EMX1: variants seen among roughly 807,000 people sequenced by gnomAD.
EMX1 encodes the protein homeobox protein EMX1.
In EMX1, 10 loss-of-function variants were observed where a neutral mutation model predicts 20.1. The observed-to-expected ratio is 0.50, with a 90% confidence interval of 0.31 to 0.84. The LOEUF is 0.84. EMX1 is among the 40% of genes least tolerant of loss of function. The probability of loss-of-function intolerance (pLI) is 0.05; values close to 1 mark genes in which losing one functional copy is unlikely to be tolerated. For missense variants in EMX1, 424 were observed against 431.9 expected, an observed-to-expected ratio of 0.98 and a Z score of 0.16; for synonymous variants, 250 against 200.4, an observed-to-expected ratio of 1.25 and a Z score of -2.09.
chr2:72,927,642 G>A (rs953216960), intron 2 of EMX1, among the ~76,000 whole-genome samples: 5 of 152,262 alleles, frequency 3.3e-5, no homozygotes, highest in African/African-American at 1.2e-4. Flanking sequence ...CTCTTAGGAA[G>A]TCCAGGATAG....
rs966701422 is a variant in EMX1 at position 72,918,082 on chromosome 2, C to G, written c.230C>G (p.Pro77Arg). ...HLLAAAASEE[P>R]LRPTALNYPH... ...CTGGCGGCGGCCGCCTCCGAGGAAC[C>G]GCTCCGGCCCACGGCGCTCAACTAC... The change falls in exon 1 of 3, where the codon CCG becomes CGG. Residue 77 changes from proline to arginine, a missense_variant. Pro to Arg is a moderately radical substitution (Grantham distance 103, BLOSUM62 -2). Around this residue, in one of 2 missense-constraint regions of EMX1, gnomAD observed 333 missense variants for 296.6 expected, o/e 1.12. Transcript: ENST00000258106. 1 of 1,428,528 alleles carries G rather than the reference C, an allele frequency of 7.0e-7. No homozygotes were observed. The highest frequency in any genetic ancestry group is 9.1e-7 in the Non-Finnish European group (1 of 1,100,382). The allele number at this position is 1,428,528 out of a possible 1,614,324, so 88.5% of individuals were successfully genotyped here. A position where few individuals can be genotyped will look rare whatever the true frequency, so the allele number is the denominator to read the frequency against.
rs78311146 is a variant in EMX1, at chr2:72,918,698, C to T, written c.520+326C>T. ...AATTCTCTCTCCCAGCTGAGCCAGT[C>T]TCAGACCAGAGTACAACTCCTCCCG... On this transcript the variant is annotated intron_variant, in intron 1 of 2. Transcript: ENST00000258106. Among the ~76,000 whole-genome samples the T allele has an allele frequency of 1.4e-4, 21 of 152,358 alleles. No individual in the cohort carries two copies. The East Asian group carries it at 4.1e-3, about 29-fold the overall frequency.
chr2:72,925,371 A>G, intron 2 of EMX1: 1 of 1,221,382 alleles, frequency 8.2e-7, no homozygotes, highest in Non-Finnish European at 1.1e-6. Flanking sequence ...ATTTGGGTTC[A>G]TTGTAAGTAG....
chr2:72,922,654 A>G (rs1057179519), intron 1 of EMX1, among the ~76,000 whole-genome samples: 3 of 152,248 alleles, frequency 2.0e-5, no homozygotes, highest in Non-Finnish European at 4.4e-5. Context: ...AACTCCAGCA[A>G]AAACTTGGCT....
At position 72,917,931 on chromosome 2, in the gene EMX1, A is replaced by G. The variant is rs1380418550; in HGVS notation, c.79A>G (p.Thr27Ala). 1.3e-5 allele frequency: 20 copies of G among 1,485,736 alleles called. No individual in the cohort carries two copies. The highest frequency in any genetic ancestry group is 1.8e-5 in the Non-Finnish European group (20 of 1,125,732). 92.0% of individuals were successfully genotyped at this position (1,485,736 alleles called of 1,614,324 possible). The change falls in exon 1 of 3, where the codon ACA becomes GCA. Residue 27 changes from threonine (T) to alanine (A), a missense_variant. Thr to Ala is a moderately conservative substitution (Grantham distance 58). This residue lies in a region of EMX1 where 333 missense variants were observed against 296.6 expected (regional missense o/e 1.12). Coordinates refer to ENST00000258106, the MANE Select transcript of EMX1 (RefSeq NM_004097.3). ...GALPRARLPR[T>A]APAAATMFQP... Reference sequence around the variant, plus strand: ...GCTCCCCAGAGCCCGGCTGCCTCGCACAGCTCCCGCGGCTGCGACCATGTT... The same window carrying G: ...GCTCCCCAGAGCCCGGCTGCCTCGCGCAGCTCCCGCGGCTGCGACCATGTT...
Position 72,918,307 on chromosome 2 carries a change from A to C in EMX1, c.455A>C (p.His152Pro). The C allele has an allele frequency of 6.4e-7, 1 of 1,570,218 alleles. No homozygotes were observed. Among genetic ancestry groups the C allele is most frequent in the Non-Finnish European group, 8.6e-7 (1 of 1,169,328 alleles). ...QPPHSFFGAQ[H>P]RDPLHFYPWV... ...CCGCACTCCTTCTTCGGCGCCCAGC[A>C]CCGGGACCCTCTCCATTTCTACCCC... The change falls in exon 1 of 3, where the codon CAC (histidine) becomes CCC (proline). Residue 152 changes from histidine to proline, a missense_variant. Physicochemically the swap from His to Pro is moderately conservative, Grantham distance 77. Around this residue, in one of 2 missense-constraint regions of EMX1, gnomAD observed 333 missense variants for 296.6 expected, o/e 1.12. Transcript: ENST00000258106.
intron 1 of EMX1, chr2:72,923,483 G>T (rs1007182216): frequency 6.6e-6 from 1 of 152,190 alleles, no homozygotes; most frequent in Non-Finnish European, 1.5e-5. Flanking sequence ...GTGTGTGTTG[G>T]GATAGGGGGT....
chr2:72,922,469 T>C (rs1023534086), intron 1 of EMX1, among the ~76,000 whole-genome samples: 1 of 152,236 alleles, frequency 6.6e-6, no homozygotes, highest in African/African-American at 2.4e-5. Context: ...GCCCTAGATC[T>C]GCGCCACTTG....
chr2:72,916,509 G>A (rs1670964391), upstream of EMX1: 6 of 598,262 alleles, frequency 1.0e-5, no homozygotes, highest in Middle Eastern at 4.4e-4. Context: ...GAAAGTTTGG[G>A]GAGTCCCGGC....
intron 2 of EMX1, among the ~76,000 whole-genome samples, chr2:72,931,047 G>A (rs1216740846): frequency 1.3e-5 from 2 of 152,178 alleles, no homozygotes; most frequent in Non-Finnish European, 2.9e-5. Flanking sequence ...ACAGCATCTG[G>A]ACACTCAGCC....
At chr2:72,928,444 A>G (rs1290760678) in intron 2 of EMX1, among the ~76,000 whole-genome samples, 2 of 152,216 alleles carry the variant, frequency 1.3e-5, no homozygotes, top group Admixed American at 6.5e-5. Flanking sequence ...ATTAGATGCC[A>G]TTAGGCAGTC....
Position 72,924,299 on chromosome 2 carries a change from G to T in EMX1, c.521-10G>T, listed in dbSNP as rs780341296. 4 of 1,557,808 alleles carry T rather than the reference G, an allele frequency of 2.6e-6. No individual in the cohort carries two copies. Among genetic ancestry groups the T allele is most frequent in the Middle Eastern group, 1.7e-4 (1 of 6,010 alleles). On this transcript the variant is annotated splice_polypyrimidine_tract_variant and intron_variant, in intron 1 of 2. Transcript: ENST00000258106. ...ACCTGCGTGTGTTGCCGTCGGCGGC[G>T]GGGCCGCAGCCAGCGACGTGCCCCA... is the stretch of plus-strand genomic sequence containing the variant.
intron 1 of EMX1, among the ~76,000 whole-genome samples, chr2:72,920,050 G>C (rs1427502860): frequency 6.6e-6 from 1 of 152,110 alleles, no homozygotes; most frequent in Admixed American, 6.5e-5. Flanking sequence ...GGAGAGGGCG[G>C]GGTCGTTCCT....
chr2:72,928,595 CCTT>C (rs984907545), intron 2 of EMX1, among the ~76,000 whole-genome samples: 4 of 152,214 alleles, frequency 2.6e-5, no homozygotes, highest in African/African-American at 9.7e-5. Context: ...TCCAGCTACT[CCTT>C]CTGCTCTGAA....
At chr2:72,924,600 G>A in intron 2 of EMX1, 107 bp downstream of exon 2, 1 of 1,324,036 alleles carries the variant, frequency 7.6e-7, no homozygotes, top group Non-Finnish European at 1.0e-6. Context: ...GCCCTGCTGG[G>A]TTCCAAAAGG....
At chr2:72,922,792 T>C (rs527955677) in intron 1 of EMX1, among the ~76,000 whole-genome samples, 138 of 152,372 alleles carry the variant, frequency 9.1e-4, no homozygotes, top group African/African-American at 3.1e-3. Flanking sequence ...TTTGATTCAC[T>C]TACATAGATG....
upstream of EMX1, chr2:72,917,467 C>A (rs1444331962): frequency 2.0e-5 from 4 of 195,924 alleles, no homozygotes; most frequent in Non-Finnish European, 4.1e-5. Flanking sequence ...CGCCCCCCAC[C>A]TTGGGGCAGG....
chr2:72,928,975 G>A (rs146123820), intron 2 of EMX1, among the ~76,000 whole-genome samples: 113 of 152,286 alleles, frequency 7.4e-4, no homozygotes, highest in Middle Eastern at 3.4e-3. Context: ...GAGATCTTGG[G>A]AGGCAGGAGT....
chr2:72,931,612 G>A (rs1200031084), intron 2 of EMX1, among the ~76,000 whole-genome samples: 2 of 152,206 alleles, frequency 1.3e-5, no homozygotes, highest in African/African-American at 2.4e-5. Context: ...GTGGCCCTGC[G>A]CCCAAAGATA....
Sources: gnomAD v4.1 joint callset for allele counts (sites outside exome capture counted in the v4.1 genomes callset) on GRCh38, gnomAD v4.1.1 for gene constraint, gnomAD v4.1.1 regional missense constraint, MANE v1.5 for transcripts, NCBI Gene and HGNC (gene_info 2026-07-23, HGNC 2026-07-21) for gene names.